EXOC4: variants seen among roughly 807,000 people sequenced by gnomAD.
The protein encoded by EXOC4 is exocyst complex component 4.
Under a neutral mutation model 107.2 loss-of-function variants are expected in EXOC4, and 71 were observed. The ratio of observed to expected loss-of-function variants is 0.66; its 90% CI spans 0.55 to 0.81. The LOEUF (loss-of-function observed/expected upper bound fraction) is 0.81. EXOC4 is among the 30% of genes least tolerant of loss of function. The probability of loss-of-function intolerance (pLI) is 0.00; values close to 1 mark genes in which losing one functional copy is unlikely to be tolerated. For missense variants in EXOC4, 1,108 were observed against 1,189.6 expected (o/e 0.93, Z 1.01); for synonymous variants, 456 against 441.2 (o/e 1.03, Z -0.42).
intron 10 of EXOC4, among the ~76,000 whole-genome samples, chr7:133,671,977 C>T (rs903298496): frequency 1.3e-5 from 2 of 152,058 alleles, no homozygotes; most frequent in Admixed American, 1.3e-4. Flanking sequence ...CACTAAAATT[C>T]GTAAATGGGA....
intron 10 of EXOC4, among the ~76,000 whole-genome samples, chr7:133,680,965 G>A (rs534043328): frequency 1.7e-4 from 26 of 152,174 alleles, no homozygotes; most frequent in Middle Eastern, 3.4e-3. Context: ...TGATTTTTAC[G>A]AAAACCATTT....
intron 17 of EXOC4, among the ~76,000 whole-genome samples, chr7:134,059,560 T>A (rs983520734): frequency 4.6e-5 from 7 of 152,188 alleles, no homozygotes; most frequent in African/African-American, 1.7e-4. Flanking sequence ...GAGGATAAAT[T>A]GATAGAGCTT....
intron 17 of EXOC4, among the ~76,000 whole-genome samples, chr7:134,062,217 T>A (rs1796077970): frequency 6.6e-6 from 1 of 152,184 alleles, no homozygotes; most frequent in Non-Finnish European, 1.5e-5. Context: ...CTGCCACTAT[T>A]TAGAGTATAT....
At chr7:133,753,974 A>G (rs1281749093) in intron 10 of EXOC4, among the ~76,000 whole-genome samples, 1 of 152,216 alleles carries the variant, frequency 6.6e-6, no homozygotes, top group Non-Finnish European at 1.5e-5. Flanking sequence ...TTCTTTATAT[A>G]TACTAACTCA....
intron 10 of EXOC4, among the ~76,000 whole-genome samples, chr7:133,760,803 T>G (rs1468120642): frequency 6.6e-6 from 1 of 152,152 alleles, no homozygotes; most frequent in African/African-American, 2.4e-5. Flanking sequence ...AAAAGGGGCC[T>G]TTTATCTGGA....
chr7:133,959,318 T>C (rs1472052048), intron 14 of EXOC4, among the ~76,000 whole-genome samples: 1 of 152,076 alleles, frequency 6.6e-6, no homozygotes, highest in Non-Finnish European at 1.5e-5. Context: ...GAGAAGATAT[T>C]GTATTCATGA....
At chr7:133,588,942 G>A (rs1484364129) in intron 9 of EXOC4, among the ~76,000 whole-genome samples, 1 of 150,004 alleles carries the variant, frequency 6.7e-6, no homozygotes, top group Non-Finnish European at 1.5e-5. Flanking sequence ...GTGTGTGTAT[G>A]TATATGTGTG....
intron 5 of EXOC4, among the ~76,000 whole-genome samples, chr7:133,324,876 T>C (rs1795201018): frequency 6.6e-6 from 1 of 152,202 alleles, no homozygotes; most frequent in Non-Finnish European, 1.5e-5. Context: ...AGGACTTGCT[T>C]TATGAATCTG....
chr7:133,725,981 T>A (rs1795207283), intron 10 of EXOC4, among the ~76,000 whole-genome samples: 5 of 152,198 alleles, frequency 3.3e-5, no homozygotes. Context: ...TGCTATTCAC[T>A]GTGATGGGAA....
At chr7:133,986,666 A>G (rs1794121194) in intron 14 of EXOC4, among the ~76,000 whole-genome samples, 1 of 152,216 alleles carries the variant, frequency 6.6e-6, no homozygotes, top group Non-Finnish European at 1.5e-5. Flanking sequence ...TAAATAATTT[A>G]TTTCTTAAAC....
chr7:133,620,019 TTTG>T (rs1802290301), intron 9 of EXOC4, among the ~76,000 whole-genome samples: 1 of 151,716 alleles, frequency 6.6e-6, no homozygotes, highest in Non-Finnish European at 1.5e-5. Flanking sequence ...TTTGTTTTTT[TTTG>T]TTGTTGTTAG....
chr7:134,094,094 GA>G, the EXOC4 span, among the ~76,000 whole-genome samples: 506 of 152,142 alleles, frequency 3.3e-3, 3 homozygotes, highest in Non-Finnish European at 2.2e-3. Flanking sequence ...GAAAAATATT[GA>G]GTCCCAAAAA....
rs75030113 is a variant in EXOC4 at position 133,454,061 on chromosome 7, T to C, written c.1183-21267T>C. 4.8e-3 allele frequency among the ~76,000 whole-genome samples: 733 copies of C among 152,350 alleles called. 4 individuals are homozygous for C. Among genetic ancestry groups the C allele is most frequent in the Middle Eastern group, 0.017 (5 of 294 alleles). On this transcript the variant is annotated intron_variant, in intron 7 of 17. Transcript: ENST00000253861. ...CAATTTATGATTAAGTTTTAAATTC[T>C]GTGATTCAGATTGCTTTTAATTGTC...
At chr7:134,032,384 A>G (rs1445178631) in intron 17 of EXOC4, among the ~76,000 whole-genome samples, 3 of 152,152 alleles carry the variant, frequency 2.0e-5, no homozygotes, top group Admixed American at 2.0e-4. Flanking sequence ...TGTCATCACC[A>G]TCACACACAA....
intron 9 of EXOC4, among the ~76,000 whole-genome samples, chr7:133,563,305 G>A (rs1471780386): frequency 4.6e-5 from 7 of 152,216 alleles, no homozygotes; most frequent in South Asian, 2.1e-4. Flanking sequence ...AAATGTATGC[G>A]TTAAAGAAGT....
intron 17 of EXOC4, among the ~76,000 whole-genome samples, chr7:134,063,323 G>A (rs1039100563): frequency 1.1e-4 from 17 of 152,146 alleles, no homozygotes; most frequent in African/African-American, 3.1e-4. Flanking sequence ...AGCATGGTGC[G>A]ATTTCTCCTC....
At position 133,641,222 on chromosome 7, in the gene EXOC4, C is replaced by T. The variant is rs138259648; in HGVS notation, c.1514+11081C>T. Among the ~76,000 whole-genome samples, 391 of 152,230 alleles carry T rather than the reference C, an allele frequency of 2.6e-3. 1 individual carries two copies. The highest frequency in any genetic ancestry group is 9.1e-3 in the African/African-American group (379 of 41,530). ...ATTTACTTTTATTGATTGTAAATCACATCCTTCTGGTCCCTAACAGGCAGT... is the reference window on the plus strand; with the variant it reads ...ATTTACTTTTATTGATTGTAAATCATATCCTTCTGGTCCCTAACAGGCAGT... On this transcript the variant is annotated intron_variant, in intron 10 of 17. Transcript: ENST00000253861.
chr7:133,797,908 A>G (rs1796850725), intron 10 of EXOC4, among the ~76,000 whole-genome samples: 1 of 152,250 alleles, frequency 6.6e-6, no homozygotes, highest in African/African-American at 2.4e-5. Context: ...GCAAATGAAA[A>G]GTAAACAAAG....
At position 133,772,245 on chromosome 7, in the gene EXOC4, A is replaced by G. The variant is rs571869822; in HGVS notation, c.1515-45080A>G. On this transcript the variant is annotated intron_variant, in intron 10 of 17. Transcript: ENST00000253861. ...GTCTGGGCATGCATTTTGCAGACAGAGATGTTACTGCAGCCCTGGTAATAT... is the reference window on the plus strand; with the variant it reads ...GTCTGGGCATGCATTTTGCAGACAGGGATGTTACTGCAGCCCTGGTAATAT... Among the ~76,000 whole-genome samples, 129 of 152,170 alleles carry G rather than the reference A, an allele frequency of 8.5e-4. 1 individual carries two copies. The highest frequency in any genetic ancestry group is 1.6e-3 in the Non-Finnish European group (109 of 67,954).
Sources: allele counts gnomAD v4.1 joint callset (sites outside exome capture counted in the v4.1 genomes callset), GRCh38; gene constraint gnomAD v4.1.1; transcripts MANE v1.5; gene names NCBI Gene and HGNC (gene_info 2026-07-23, HGNC 2026-07-21).